The following CDC27 variants were observed in gnomAD, a reference collection of about 807,000 sequenced individuals.
CDC27 encodes cell division cycle protein 27 homolog.
Under a neutral mutation model 109.7 loss-of-function variants are expected in CDC27, and 27 were observed. The ratio of observed to expected loss-of-function variants is 0.25; its 90% CI spans 0.18 to 0.34. The LOEUF is 0.34. Ranked by LOEUF, CDC27 falls within the 10% of genes least tolerant of loss-of-function variation. The pLI is 1.00. For synonymous variants in CDC27, 266 were observed against 333.9 expected (o/e 0.80, Z 2.22); for missense variants, 579 against 960.2 (o/e 0.60, Z 5.25).
chr17:47,160,204 G>A (rs2063456714), intron 4 of CDC27, among the ~76,000 whole-genome samples: 1 of 149,792 alleles, frequency 6.7e-6, no homozygotes, highest in African/African-American at 2.4e-5. Flanking sequence ...GGGATTATCA[G>A]AACAGCATTG....
At chr17:47,128,414 C>G (rs1413464039) in intron 16 of CDC27, among the ~76,000 whole-genome samples, 1 of 152,158 alleles carries the variant, frequency 6.6e-6, no homozygotes, top group African/African-American at 2.4e-5. Context: ...TGCCTCTTAT[C>G]TCTTTCTCAG....
intron 8 of CDC27, among the ~76,000 whole-genome samples, chr17:47,152,242 A>C (rs2063173491): frequency 6.6e-6 from 1 of 151,978 alleles, no homozygotes; most frequent in African/African-American, 2.4e-5. Context: ...TACCTTCTCT[A>C]TTTGGGGTTA....
chr17:47,159,537 C>T (rs1041908569), intron 4 of CDC27: 39 of 508,918 alleles, frequency 7.7e-5, no homozygotes, highest in African/African-American at 6.5e-4. Flanking sequence ...CAAGGGACGG[C>T]GTAGGGCTTG....
chr17:47,173,558 C>CA (rs2063882771), intron 2 of CDC27, among the ~76,000 whole-genome samples: 1 of 152,190 alleles, frequency 6.6e-6, no homozygotes, highest in South Asian at 2.1e-4. Flanking sequence ...ATGGCTCCCA[C>CA]AAACTAATTT....
At chr17:47,154,596 T>A (rs2063242348) in intron 8 of CDC27, 76 bp downstream of exon 8, 2 of 756,180 alleles carry the variant, frequency 2.6e-6, no homozygotes, top group Admixed American at 2.7e-5. Context: ...AGATTTTCCC[T>A]GAGATTACCT....
chr17:47,168,074 T>C (rs771069720), intron 4 of CDC27, among the ~76,000 whole-genome samples: 1 of 152,226 alleles, frequency 6.6e-6, no homozygotes, highest in Non-Finnish European at 1.5e-5. Context: ...GGAACCTCCA[T>C]GTGTTCAGTT....
intron 2 of CDC27, among the ~76,000 whole-genome samples, chr17:47,173,174 T>TA (rs1258370698): frequency 6.6e-6 from 1 of 152,194 alleles, no homozygotes; most frequent in Non-Finnish European, 1.5e-5. Flanking sequence ...AGAGTTTGGA[T>TA]AAAAAAGTAA....
At chr17:47,124,256 C>CATCTATCTGTCTATCT (rs1555780290) in intron 16 of CDC27, among the ~76,000 whole-genome samples, 10 of 148,166 alleles carry the variant, frequency 6.7e-5, no homozygotes, top group Admixed American at 3.4e-4. Context: ...TGCTTTTGGT[C>CATCTATCTGTCTATCT]ATCTATCTAT....
chr17:47,155,501 C>T (rs2063278102), intron 7 of CDC27, among the ~76,000 whole-genome samples: 1 of 152,164 alleles, frequency 6.6e-6, no homozygotes, highest in African/African-American at 2.4e-5. Flanking sequence ...CCACCTCAGC[C>T]TCCCAAAGTG....
At chr17:47,183,551 T>G (rs1006497431) in intron 1 of CDC27, among the ~76,000 whole-genome samples, 3 of 152,198 alleles carry the variant, frequency 2.0e-5, no homozygotes, top group African/African-American at 7.2e-5. Flanking sequence ...CAAAGATGTC[T>G]AATTTTACCA....
At chr17:47,184,197 A>G (rs2064344767) in intron 1 of CDC27, among the ~76,000 whole-genome samples, 1 of 152,238 alleles carries the variant, frequency 6.6e-6, no homozygotes, top group Admixed American at 6.5e-5. Context: ...TCTTCATCTG[A>G]TAAATGGAGT....
intron 1 of CDC27, among the ~76,000 whole-genome samples, chr17:47,181,889 C>T (rs2064255109): frequency 6.6e-6 from 1 of 152,202 alleles, no homozygotes; most frequent in Non-Finnish European, 1.5e-5. Context: ...CCCTTTTCCT[C>T]CATTGGGCAA....
chr17:47,143,778 G>A (rs1466847356), intron 10 of CDC27, 105 bp downstream of exon 10: 6 of 420,402 alleles, frequency 1.4e-5, no homozygotes, highest in Non-Finnish European at 2.4e-5. Context: ...TTTAAAATTC[G>A]AAATAGTCTC....
At chr17:47,136,310 G>A (rs2062588885) in intron 14 of CDC27, among the ~76,000 whole-genome samples, 2 of 152,184 alleles carry the variant, frequency 1.3e-5, no homozygotes, top group Non-Finnish European at 2.9e-5. Flanking sequence ...ACTGCAAAAT[G>A]AGACATAATC....
At chr17:47,144,570 CA>C (rs2062896651) in intron 9 of CDC27, among the ~76,000 whole-genome samples, 1 of 152,124 alleles carries the variant, frequency 6.6e-6, no homozygotes, top group Admixed American at 6.5e-5. Context: ...ACAGCTATAT[CA>C]AAGGCTTATT....
At chr17:47,143,155 G>A (rs559800572) in intron 10 of CDC27, among the ~76,000 whole-genome samples, 3 of 151,504 alleles carry the variant, frequency 2.0e-5, no homozygotes, top group African/African-American at 7.3e-5. Context: ...TCAGAGATGG[G>A]GTCTTGCTAT....
intron 4 of CDC27, among the ~76,000 whole-genome samples, chr17:47,160,347 C>A (rs1318909542): frequency 1.3e-5 from 2 of 151,790 alleles, no homozygotes; most frequent in African/African-American, 4.8e-5. Flanking sequence ...CATGCCTCAG[C>A]CTCCCGAGTA....
chr17:47,128,135 AT>A (rs1297227796), intron 16 of CDC27, among the ~76,000 whole-genome samples: 1 of 151,870 alleles, frequency 6.6e-6, no homozygotes, highest in Middle Eastern at 3.2e-3. Context: ...GGTTCAAGTG[AT>A]TCTCGTGCCT....
At chr17:47,181,796 G>T (rs1401405267) in intron 1 of CDC27, among the ~76,000 whole-genome samples, 159 bp from the exon 2 acceptor site, 3 of 152,154 alleles carry the variant, frequency 2.0e-5, no homozygotes, top group African/African-American at 7.2e-5. Flanking sequence ...GCCGGGCAAG[G>T]CTCTTCACAG....
Sources: allele counts gnomAD v4.1 joint callset (sites outside exome capture counted in the v4.1 genomes callset), GRCh38; gene constraint gnomAD v4.1.1; transcripts MANE v1.5; gene names NCBI Gene and HGNC (gene_info 2026-07-23, HGNC 2026-07-21).